Variants in BTBD9 observed in about 807,000 individuals in gnomAD.
BTBD9 encodes BTB/POZ domain-containing protein 9.
A neutral mutation model predicts 64.3 loss-of-function variants in BTBD9; 49 were observed. The ratio of observed to expected loss-of-function variants is 0.76; its 90% CI spans 0.61 to 0.97. The LOEUF (loss-of-function observed/expected upper bound fraction) is 0.97, where lower values mean the gene tolerates loss of function less well. Ranked by LOEUF, BTBD9 falls within the 50% of genes least tolerant of loss-of-function variation. The probability of loss-of-function intolerance (pLI) is 0.00; values close to 1 mark genes in which losing one functional copy is unlikely to be tolerated. For synonymous variants in BTBD9, 260 were observed against 274.7 expected (o/e 0.95, Z 0.53); for missense variants, 598 against 762.1 (o/e 0.78, Z 2.53).
rs1163053647 is a variant in BTBD9 at position 38,341,544 on chromosome 6, TA to T, written c.1264+3439del. 2.6e-5 allele frequency among the ~76,000 whole-genome samples: 4 copies of T among 152,176 alleles called. No homozygotes were observed. In the East Asian group the frequency reaches 7.7e-4, roughly 29 times the overall value. ...TAAAAAGTGAATTTAAACACAAGAT[TA>T]AAAGGAAGATTTGGAAATCCTTACA... is the stretch of plus-strand genomic sequence containing the variant. On this transcript the variant is annotated intron_variant, in intron 7 of 10. Coordinates refer to ENST00000481247, the MANE Select transcript of BTBD9 (RefSeq NM_001099272.2).
intron 6 of BTBD9, among the ~76,000 whole-genome samples, chr6:38,346,100 A>G (rs1036969925): frequency 6.6e-6 from 1 of 152,208 alleles, no homozygotes. Flanking sequence ...ACAGATTTCA[A>G]TTAGGATATG....
At chr6:38,588,786 T>C (rs960541125) in intron 4 of BTBD9, among the ~76,000 whole-genome samples, 1 of 152,238 alleles carries the variant, frequency 6.6e-6, no homozygotes, top group African/African-American at 2.4e-5. Context: ...GTGATTGACC[T>C]AGCTTCCCTT....
intron 1 of BTBD9, among the ~76,000 whole-genome samples, chr6:38,603,010 A>G (rs1342617918): frequency 6.6e-6 from 1 of 152,154 alleles, no homozygotes; most frequent in Non-Finnish European, 1.5e-5. Flanking sequence ...ATTTTCCCAG[A>G]TGCAAAGTGT....
intron 10 of BTBD9, among the ~76,000 whole-genome samples, chr6:38,180,309 G>C (rs1365898483): frequency 1.3e-5 from 2 of 152,238 alleles, no homozygotes; most frequent in African/African-American, 4.8e-5. Flanking sequence ...GCTGGGGCTG[G>C]GCGTGAAGCT....
chr6:38,453,442 A>T (rs1185536806), intron 6 of BTBD9, among the ~76,000 whole-genome samples: 1 of 152,182 alleles, frequency 6.6e-6, no homozygotes, highest in Non-Finnish European at 1.5e-5. Flanking sequence ...AGCTTGTTAC[A>T]TATTTTATAG....
At chr6:38,424,835 T>TTTATTA (rs1385612133) in intron 6 of BTBD9, among the ~76,000 whole-genome samples, 3 of 150,840 alleles carry the variant, frequency 2.0e-5, no homozygotes, top group African/African-American at 7.3e-5. Flanking sequence ...TTATTTTATT[T>TTTATTA]TTATTATTAT....
At chr6:38,203,844 A>C (rs1469236112) in intron 9 of BTBD9, among the ~76,000 whole-genome samples, 1 of 152,166 alleles carries the variant, frequency 6.6e-6, no homozygotes, top group African/African-American at 2.4e-5. Context: ...TCCATAGCAG[A>C]CTAGGGTGAC....
At chr6:38,595,187 C>G (rs997236799) in intron 2 of BTBD9, among the ~76,000 whole-genome samples, 1 of 152,190 alleles carries the variant, frequency 6.6e-6, no homozygotes, top group Non-Finnish European at 1.5e-5. Context: ...CATATGTCTA[C>G]ATCGGTATTT....
chr6:38,436,511 G>T (rs1171587689), intron 6 of BTBD9, among the ~76,000 whole-genome samples: 3 of 151,562 alleles, frequency 2.0e-5, no homozygotes, highest in Non-Finnish European at 4.4e-5. Context: ...GAGTAGCTGG[G>T]ATTATAGGCG....
chr6:38,396,835 C>T, intron 6 of BTBD9, among the ~76,000 whole-genome samples: 1 of 149,750 alleles, frequency 6.7e-6, no homozygotes, highest in East Asian at 1.9e-4. Flanking sequence ...TGAATTGATA[C>T]TTTGAATATA....
At chr6:38,443,467 A>C (rs1199256406) in intron 6 of BTBD9, among the ~76,000 whole-genome samples, 1 of 152,126 alleles carries the variant, frequency 6.6e-6, no homozygotes, top group East Asian at 1.9e-4. Flanking sequence ...TTATTCTGGC[A>C]TATCAACTCG....
intron 4 of BTBD9, among the ~76,000 whole-genome samples, chr6:38,582,582 G>A (rs910108769): frequency 2.0e-5 from 3 of 152,164 alleles, no homozygotes; most frequent in Non-Finnish European, 4.4e-5. Flanking sequence ...GGTTTCTGAT[G>A]AATGGCCATA....
intron 6 of BTBD9, among the ~76,000 whole-genome samples, chr6:38,471,547 C>CGTT (rs34176404): frequency 0.038 from 5,844 of 152,008 alleles, 218 homozygotes; most frequent in East Asian, 0.13. Context: ...AAAGGTTTTT[C>CGTT]GTTGTTGTTG....
intron 9 of BTBD9, among the ~76,000 whole-genome samples, chr6:38,211,195 C>T (rs1251351412): frequency 2.6e-5 from 4 of 152,128 alleles, no homozygotes; most frequent in Admixed American, 1.3e-4. Flanking sequence ...TTTGGGAGGC[C>T]GAGGCGGGTG....
At chr6:38,594,379 C>G in intron 2 of BTBD9, 52 bp from the exon 3 acceptor site, 2 of 1,507,318 alleles carry the variant, frequency 1.3e-6, no homozygotes, top group Non-Finnish European at 1.8e-6. Context: ...GGATTTGCTA[C>G]AAAATATTGG....
At chr6:38,460,934 G>GT (rs1294350997) in intron 6 of BTBD9, among the ~76,000 whole-genome samples, 1 of 152,114 alleles carries the variant, frequency 6.6e-6, no homozygotes, top group Admixed American at 6.5e-5. Flanking sequence ...CACAGTCTGG[G>GT]TTTTTTTAAA....
intron 7 of BTBD9, among the ~76,000 whole-genome samples, chr6:38,291,388 T>G (rs1251495195): frequency 1.3e-5 from 2 of 152,194 alleles, no homozygotes; most frequent in African/African-American, 2.4e-5. Context: ...CTTAAGGAGA[T>G]TTTGGGTTGA....
At chr6:38,505,290 T>C (rs1175646672) in intron 6 of BTBD9, among the ~76,000 whole-genome samples, 1 of 152,164 alleles carries the variant, frequency 6.6e-6, no homozygotes, top group Non-Finnish European at 1.5e-5. Context: ...AATTTCCACG[T>C]GTCTACATTC....
chr6:38,617,051 C>T (rs1777815760), intron 1 of BTBD9, among the ~76,000 whole-genome samples: 1 of 152,170 alleles, frequency 6.6e-6, no homozygotes, highest in Non-Finnish European at 1.5e-5. Flanking sequence ...AGGGGCTAAA[C>T]ACTGGGCACC....
Sources: gnomAD v4.1 joint callset for allele counts (sites outside exome capture counted in the v4.1 genomes callset) on GRCh38, gnomAD v4.1.1 for gene constraint, MANE v1.5 for transcripts, NCBI Gene and HGNC (gene_info 2026-07-23, HGNC 2026-07-21) for gene names.